The following MAST4 variants were observed in gnomAD, a reference collection of about 807,000 sequenced individuals.
MAST4 encodes the protein microtubule associated serine/threonine kinase family member 4.
In MAST4, 89 loss-of-function variants were observed where a neutral mutation model predicts 162.7. The ratio of observed to expected loss-of-function variants is 0.55; its 90% confidence interval spans 0.46 to 0.65. The LOEUF is 0.65. MAST4 is among the 30% of genes least tolerant of loss of function. The pLI, the probability that MAST4 is intolerant of heterozygous loss-of-function variation, is 0.00. For missense variants in MAST4, 3,153 were observed against 3,374.0 expected, an observed-to-expected ratio of 0.93 and a Z score of 1.62; for synonymous variants, 1,479 against 1,361.1, an observed-to-expected ratio of 1.09 and a Z score of -1.91.
chr5:67,033,436 G>C (rs1164883894), intron 4 of MAST4, among the ~76,000 whole-genome samples: 1 of 149,988 alleles, frequency 6.7e-6, no homozygotes, highest in African/African-American at 2.4e-5. Flanking sequence ...AGCTAGTTTG[G>C]CATAGTATAT....
chr5:67,166,638 G>GCCGC lies in MAST4; in HGVS notation c.7461_7464dup (p.Gly2489ArgfsTer16), dbSNP rs1774022553. ...CAGCAGCGACACCTCTTCTGCCAAG[G>GCCGC]CCGCCGGGGGCATGCTGGAGCTTCC... On this transcript the variant is annotated frameshift_variant, in exon 29 of 29. Transcript: ENST00000403625. LOFTEE classifies it low-confidence loss of function (END_TRUNC). The GCCGC allele has an allele frequency of 6.2e-7, 1 of 1,600,344 alleles. No homozygotes were observed. Among genetic ancestry groups the GCCGC allele is most frequent in the Non-Finnish European group, 8.5e-7 (1 of 1,173,748 alleles).
intron 10 of MAST4, among the ~76,000 whole-genome samples, chr5:67,109,340 T>G (rs1765950074): frequency 6.6e-6 from 1 of 152,154 alleles, no homozygotes; most frequent in Non-Finnish European, 1.5e-5. Flanking sequence ...TGACCTCATG[T>G]GATGAGTGCA....
intron 4 of MAST4, among the ~76,000 whole-genome samples, chr5:66,942,843 A>G (rs1743517271): frequency 6.6e-6 from 1 of 152,018 alleles, no homozygotes; most frequent in Non-Finnish European, 1.5e-5. Context: ...AAAATATATA[A>G]GCTGGGTGGC....
At chr5:66,749,289 C>A (rs1752983897) in intron 1 of MAST4, among the ~76,000 whole-genome samples, 1 of 152,144 alleles carries the variant, frequency 6.6e-6, no homozygotes, top group Non-Finnish European at 1.5e-5. Context: ...CATTGGGATT[C>A]TGTTCCTGGC....
intron 4 of MAST4, among the ~76,000 whole-genome samples, chr5:66,919,623 C>A (rs1764351631): frequency 7.0e-6 from 1 of 142,754 alleles, no homozygotes; most frequent in Admixed American, 7.3e-5. Flanking sequence ...ATCGTCACTG[C>A]ACTCCAGCCT....
chr5:66,987,338 TG>T (rs902898166), intron 4 of MAST4, among the ~76,000 whole-genome samples: 10 of 152,186 alleles, frequency 6.6e-5, no homozygotes, highest in Non-Finnish European at 1.3e-4. Flanking sequence ...TCATGTGCAA[TG>T]TGTTTTGAAA....
intron 5 of MAST4, 89 bp from the exon 6 acceptor site, chr5:67,090,073 A>G (rs1479622830): frequency 1.1e-6 from 1 of 952,070 alleles, no homozygotes; most frequent in Non-Finnish European, 1.6e-6. Flanking sequence ...ACAGAAATGT[A>G]AATAAACTTA....
intron 1 of MAST4, among the ~76,000 whole-genome samples, chr5:66,704,132 C>T (rs1482506381): frequency 2.6e-5 from 4 of 152,004 alleles, no homozygotes; most frequent in African/African-American, 9.7e-5. Flanking sequence ...TTTTTTTTCC[C>T]TGTAACCATT....
chr5:67,144,698 G>A lies in MAST4; in HGVS notation c.2760G>A (p.Gln920=), dbSNP rs1220612829. 1.2e-6 allele frequency: 2 copies of A among 1,613,918 alleles called. No individual in the cohort carries two copies. ...TCAGCAGTATAGATCGAATCACTCA[G>A]AATTCAGCAGAAGAGAAGGAAGACT... ...KVFSSIDRIT[Q]NSAEEKEDSV... The change falls in exon 22 of 29, where the codon CAG becomes CAA. Residue 920 remains glutamine, a synonymous_variant. Coordinates refer to ENST00000403625, the MANE Select transcript of MAST4 (RefSeq NM_001164664.2).
At chr5:67,056,193 G>T (rs747282129) in intron 5 of MAST4, among the ~76,000 whole-genome samples, 1 of 151,978 alleles carries the variant, frequency 6.6e-6, no homozygotes, top group African/African-American at 2.4e-5. Flanking sequence ...ATTAGGGAGC[G>T]GGTGTAAGCA....
At chr5:66,633,684 A>C (rs958995602) in intron 1 of MAST4, among the ~76,000 whole-genome samples, 5 of 152,168 alleles carry the variant, frequency 3.3e-5, no homozygotes, top group Non-Finnish European at 5.9e-5. Flanking sequence ...CAAAGCATTC[A>C]CTGGGGGCTA....
intron 1 of MAST4, among the ~76,000 whole-genome samples, chr5:66,746,554 A>G (rs187464378): frequency 1.3e-5 from 2 of 152,346 alleles, no homozygotes; most frequent in South Asian, 2.1e-4. Context: ...GGAAGCAGGC[A>G]TATAATGTCA....
At chr5:67,054,009 A>G (rs1187474856) in intron 4 of MAST4, among the ~76,000 whole-genome samples, 1 of 152,250 alleles carries the variant, frequency 6.6e-6, no homozygotes. Flanking sequence ...TCATTATAAG[A>G]TTAATGTCAC....
intron 3 of MAST4, among the ~76,000 whole-genome samples, chr5:66,841,484 C>G (rs1430219075): frequency 6.6e-6 from 1 of 152,148 alleles, no homozygotes; most frequent in Admixed American, 6.6e-5. Context: ...GCCCACAGTT[C>G]TGGAGACTCA....
chr5:66,635,715 T>G (rs1745066406), intron 1 of MAST4, among the ~76,000 whole-genome samples: 1 of 151,080 alleles, frequency 6.6e-6, no homozygotes, highest in African/African-American at 2.4e-5. Flanking sequence ...TGAGACAGAG[T>G]TGCCCAGGCT....
chr5:66,823,720 C>T (rs1580540806), intron 3 of MAST4, among the ~76,000 whole-genome samples: 1 of 152,132 alleles, frequency 6.6e-6, no homozygotes, highest in East Asian at 1.9e-4. Context: ...GTCTCGAACT[C>T]CTGACCTCAG....
rs868844342 is a variant in MAST4, at chr5:66,958,532, A to G, written c.674+58550A>G. Reference sequence around the variant, plus strand: ...TTCGAAAATAAAAATCCAAGTGCCTATCTCTTGCATTTCCAGTTGGTAGTT... The same window carrying G: ...TTCGAAAATAAAAATCCAAGTGCCTGTCTCTTGCATTTCCAGTTGGTAGTT... On this transcript the variant is annotated intron_variant, in intron 4 of 28. Transcript: ENST00000403625. Among the ~76,000 whole-genome samples, 6 of 152,338 alleles carry G rather than the reference A, an allele frequency of 3.9e-5. No homozygotes were observed. The East Asian group carries it at 1.2e-3, about 29-fold the overall frequency.
intron 10 of MAST4, among the ~76,000 whole-genome samples, chr5:67,107,764 A>G (rs1765759118): frequency 6.6e-6 from 1 of 152,224 alleles, no homozygotes; most frequent in Non-Finnish European, 1.5e-5. Context: ...CCTGAGGCCT[A>G]AGACAATTCC....
rs536584215 is a variant in MAST4, at chr5:67,127,141, G to T, written c.1746-3069G>T. ...GCTTAAGGAGATTTTGGGCTGAGAC[G>T]ATGGGATTTTCTAAATATACAGTCA... On this transcript the variant is annotated intron_variant, in intron 14 of 28. Coordinates refer to ENST00000403625, the MANE Select transcript of MAST4 (RefSeq NM_001164664.2). 2.0e-5 allele frequency among the ~76,000 whole-genome samples: 3 copies of T among 152,276 alleles called. No homozygotes were observed. In the East Asian group the frequency reaches 5.8e-4, roughly 29 times the overall value.
Sources: gnomAD v4.1 joint callset for allele counts (sites outside exome capture counted in the v4.1 genomes callset) on GRCh38, gnomAD v4.1.1 for gene constraint, MANE v1.5 for transcripts, NCBI Gene and HGNC (gene_info 2026-07-23, HGNC 2026-07-21) for gene names.